The following ADAM22 variants were observed in gnomAD, a reference collection of about 807,000 sequenced individuals.
The protein encoded by ADAM22 is ADAM metallopeptidase domain 22, also known as disintegrin and metalloproteinase domain-containing protein 22.
ADAM22 carries 65 observed loss-of-function variants against 144.6 expected under a neutral mutation model. That is an observed-to-expected ratio of 0.45 (90% CI 0.37 to 0.55). The LOEUF (loss-of-function observed/expected upper bound fraction) is 0.55, where lower values mean the gene tolerates loss of function less well. Among genes scored for constraint, ADAM22 ranks in the 20% least tolerant of loss-of-function variants. ADAM22 has a pLI of 0.00. For synonymous variants in ADAM22, 391 were observed against 412.6 expected (o/e 0.95, Z 0.63); for missense variants, 974 against 1,184.9 (o/e 0.82, Z 2.61).
intron 3 of ADAM22, among the ~76,000 whole-genome samples, chr7:88,049,643 C>T (rs1307220713): frequency 6.6e-6 from 1 of 152,126 alleles, no homozygotes; most frequent in African/African-American, 2.4e-5. Context: ...GGTATCTGCC[C>T]GCCTTGGCCT....
At position 88,186,685 on chromosome 7, in the gene ADAM22, G is replaced by A. The variant is rs759867957; in HGVS notation, c.2734G>A (p.Glu912Lys). 3 of 1,603,156 alleles carry A rather than the reference G, an allele frequency of 1.9e-6. No homozygotes were observed. In the South Asian group the frequency reaches 3.3e-5, roughly 18 times the overall value. Reference sequence around the variant, plus strand: ...GGTAGAAGATGTGAATAAAAACACTGAAGGACCATACTTTAGGTATTTTAT... The same window carrying A: ...GGTAGAAGATGTGAATAAAAACACTAAAGGACCATACTTTAGGTATTTTAT... ...KWVEDVNKNT[E>K]GPYFRTLSPA... is the part of the protein sequence containing the mutation. The change falls in exon 30 of 32, where the codon GAA (glutamate) becomes AAA (lysine). Residue 912 changes from glutamate to lysine, a missense_variant. Physicochemically the swap from Glu to Lys is moderately conservative, Grantham distance 56. Coordinates refer to ENST00000413139, the MANE Select transcript of ADAM22 (RefSeq NM_001324418.2).
chr7:87,940,152 A>G (rs1235524362), intron 2 of ADAM22, among the ~76,000 whole-genome samples: 2 of 147,240 alleles, frequency 1.4e-5, no homozygotes, highest in African/African-American at 5.1e-5. Context: ...ACTGCACTCC[A>G]GCCTGGGCGA....
At chr7:88,025,034 C>A (rs991329753) in intron 3 of ADAM22, among the ~76,000 whole-genome samples, 17 of 152,186 alleles carry the variant, frequency 1.1e-4, no homozygotes, top group African/African-American at 3.6e-4. Context: ...GTCTTTATAG[C>A]AGCATGATTT....
intron 4 of ADAM22, among the ~76,000 whole-genome samples, chr7:88,086,228 C>T (rs1027664481): frequency 2.6e-5 from 4 of 152,044 alleles, no homozygotes; most frequent in Non-Finnish European, 4.4e-5. Context: ...CTTTTGTCCC[C>T]CCCTTGCAAT....
At chr7:88,073,562 C>G (rs550685511) in intron 3 of ADAM22, among the ~76,000 whole-genome samples, 3 of 152,142 alleles carry the variant, frequency 2.0e-5, no homozygotes, top group Non-Finnish European at 4.4e-5. Flanking sequence ...CCAAAAGCTC[C>G]CACAGACTAA....
intron 3 of ADAM22, among the ~76,000 whole-genome samples, chr7:87,997,634 T>C (rs1269606758): frequency 6.6e-6 from 1 of 152,254 alleles, no homozygotes; most frequent in Non-Finnish European, 1.5e-5. Flanking sequence ...CTGCCTGCAT[T>C]CCCTGGGTGG....
intron 3 of ADAM22, among the ~76,000 whole-genome samples, chr7:87,987,132 T>C (rs1187218841): frequency 1.3e-5 from 2 of 152,314 alleles, no homozygotes; most frequent in African/African-American, 4.8e-5. Flanking sequence ...AAAGATTAAA[T>C]CATCAGAGCT....
chr7:88,075,450 G>A (rs1366422377), intron 3 of ADAM22, among the ~76,000 whole-genome samples, 176 bp from the exon 4 acceptor site: 1 of 145,494 alleles, frequency 6.9e-6, no homozygotes, highest in African/African-American at 2.6e-5. Context: ...TAGAAATACT[G>A]GGTGTGTGTG....
intron 14 of ADAM22, among the ~76,000 whole-genome samples, chr7:88,137,766 A>G (rs1403230118): frequency 1.3e-5 from 2 of 152,234 alleles, no homozygotes; most frequent in Admixed American, 1.3e-4. Context: ...TTTTCAACAA[A>G]TATTTCTTGA....
intron 14 of ADAM22, among the ~76,000 whole-genome samples, chr7:88,139,831 C>A (rs1834087700): frequency 6.6e-6 from 1 of 152,128 alleles, no homozygotes; most frequent in Non-Finnish European, 1.5e-5. Flanking sequence ...CATGATCGGA[C>A]TGGATGCCAG....
At chr7:88,077,361 G>T (rs1264516384) in intron 4 of ADAM22, among the ~76,000 whole-genome samples, 1 of 152,142 alleles carries the variant, frequency 6.6e-6, no homozygotes, top group East Asian at 1.9e-4. Context: ...TATAATGAGG[G>T]TCGGGAGCCA....
intron 4 of ADAM22, among the ~76,000 whole-genome samples, chr7:88,092,532 G>A (rs1168907175): frequency 6.6e-6 from 1 of 152,144 alleles, no homozygotes; most frequent in Non-Finnish European, 1.5e-5. Flanking sequence ...TTATTGATGT[G>A]TGCATTTCCC....
chr7:88,017,785 A>G (rs115112674), intron 3 of ADAM22, among the ~76,000 whole-genome samples: 291 of 149,486 alleles, frequency 1.9e-3, no homozygotes, highest in African/African-American at 6.7e-3. Flanking sequence ...GTGTGTGTGT[A>G]TATATATATA....
intron 29 of ADAM22, 183 bp downstream of exon 29, chr7:88,182,207 C>T (rs1026947706): frequency 1.8e-6 from 1 of 551,946 alleles, no homozygotes; most frequent in African/African-American, 1.9e-5. Flanking sequence ...GGCATCTCCA[C>T]AACTGTTCCC....
At chr7:88,125,785 C>A in intron 8 of ADAM22, 126 bp downstream of exon 8, 1 of 686,384 alleles carries the variant, frequency 1.5e-6, no homozygotes, top group Non-Finnish European at 2.3e-6. Context: ...GTGTGATAAA[C>A]CGTAAGGGTG....
intron 14 of ADAM22, among the ~76,000 whole-genome samples, chr7:88,137,963 G>A (rs766209510): frequency 2.0e-5 from 3 of 152,102 alleles, no homozygotes; most frequent in Non-Finnish European, 4.4e-5. Flanking sequence ...AGACCAACCT[G>A]AGCAACATGG....
intron 3 of ADAM22, among the ~76,000 whole-genome samples, chr7:88,005,753 G>A (rs1295896262): frequency 6.6e-6 from 1 of 151,902 alleles, no homozygotes; most frequent in Non-Finnish European, 1.5e-5. Context: ...AGGTTCATTA[G>A]GCCTGAAAAT....
At chr7:88,075,533 T>C (rs1249783793) in intron 3 of ADAM22, 93 bp from the exon 4 acceptor site, 5 of 1,056,356 alleles carry the variant, frequency 4.7e-6, no homozygotes, top group African/African-American at 1.6e-5. Context: ...GCTTAAAGAA[T>C]TGTTAAAGCA....
At chr7:88,190,870 A>T (rs1456569799) in intron 30 of ADAM22, among the ~76,000 whole-genome samples, 1 of 152,112 alleles carries the variant, frequency 6.6e-6, no homozygotes, top group Non-Finnish European at 1.5e-5. Context: ...CCCAGCCTCC[A>T]GGACCCTTTC....
Sources: allele counts gnomAD v4.1 joint callset (sites outside exome capture counted in the v4.1 genomes callset), GRCh38; gene constraint gnomAD v4.1.1; transcripts MANE v1.5; gene names NCBI Gene and HGNC (gene_info 2026-07-23, HGNC 2026-07-21).